The following ADRA1B variants were observed in gnomAD, a reference collection of about 807,000 sequenced individuals.
ADRA1B encodes the protein adrenoceptor alpha 1B, also known as alpha-1B adrenergic receptor.
In ADRA1B, 17 loss-of-function variants were observed where a neutral mutation model predicts 17.9. That is an observed-to-expected ratio of 0.95 (90% CI 0.65 to 1.42). The LOEUF (loss-of-function observed/expected upper bound fraction) is 1.42. Ranked by LOEUF, ADRA1B falls within the 40% of genes most tolerant of loss-of-function variation. The probability of loss-of-function intolerance (pLI) is 0.00; values close to 1 mark genes in which losing one functional copy is unlikely to be tolerated. For synonymous variants in ADRA1B, 366 were observed against 327.6 expected (o/e 1.12, Z -1.27); for missense variants, 681 against 722.1 (o/e 0.94, Z 0.65).
intron 1 of ADRA1B, among the ~76,000 whole-genome samples, chr5:159,877,577 G>T (rs940155189): frequency 2.0e-5 from 3 of 152,110 alleles, no homozygotes; most frequent in African/African-American, 7.2e-5. Flanking sequence ...AGCCACTAGG[G>T]CAGTGGTCAC....
At chr5:159,887,807 G>A (rs1294584042) in intron 1 of ADRA1B, among the ~76,000 whole-genome samples, 2 of 152,152 alleles carry the variant, frequency 1.3e-5, no homozygotes, top group East Asian at 1.9e-4. Flanking sequence ...ATATATAGAC[G>A]TCATCTAATG....
At chr5:159,939,322 T>TGTGTGTGTGTGTGCGCGC (rs1554090928) in intron 1 of ADRA1B, among the ~76,000 whole-genome samples, 1 of 107,602 alleles carries the variant, frequency 9.3e-6, no homozygotes, top group African/African-American at 3.5e-5. Context: ...TGTGTGTGTG[T>TGTGTGTGTGTGTGCGCGC]GCGCGCGCGC....
chr5:159,886,431 G>A (rs929315276), intron 1 of ADRA1B, among the ~76,000 whole-genome samples: 35 of 152,312 alleles, frequency 2.3e-4, no homozygotes, highest in African/African-American at 7.9e-4. Flanking sequence ...CACCAGCAAG[G>A]AAATTAAGCT....
At chr5:159,875,173 C>G (rs929534208) in intron 1 of ADRA1B, among the ~76,000 whole-genome samples, 2 of 152,110 alleles carry the variant, frequency 1.3e-5, no homozygotes, top group Admixed American at 1.3e-4. Context: ...GTGGAGAAAA[C>G]AACAGTGGCC....
intron 1 of ADRA1B, among the ~76,000 whole-genome samples, chr5:159,962,935 C>CTTTTTTTTTT (rs1206944978): frequency 2.4e-5 from 1 of 41,786 alleles, no homozygotes; most frequent in Non-Finnish European, 5.0e-5. Context: ...CTTTTCTTTT[C>CTTTTTTTTTT]TTTTTTTTTT....
rs149419911 is a variant in ADRA1B, at chr5:159,934,144, C to A, written c.949+16290C>A. ...GGGAAGGAGCCCTTTTGAGAGGGAGCCAATGGGCCCTGGTCAGTCAGAGGC... is the reference window on the plus strand; with the variant it reads ...GGGAAGGAGCCCTTTTGAGAGGGAGACAATGGGCCCTGGTCAGTCAGAGGC... On this transcript the variant is annotated intron_variant, in intron 1 of 1. Transcript: ENST00000306675. 7.2e-5 allele frequency among the ~76,000 whole-genome samples: 11 copies of A among 152,308 alleles called. No individual in the cohort carries two copies. In the East Asian group the frequency reaches 1.9e-3, roughly 27 times the overall value.
At chr5:159,901,322 C>T (rs114645603) in intron 1 of ADRA1B, among the ~76,000 whole-genome samples, 2,742 of 149,988 alleles carry the variant, frequency 0.018, 33 homozygotes, top group Middle Eastern at 0.054. Context: ...CTTTGCTCTT[C>T]CAGCACAGCC....
At chr5:159,971,855 T>TGGTGGGG in intron 1 of ADRA1B, 24 bp from the exon 2 acceptor site, 1 of 435,070 alleles carries the variant, frequency 2.3e-6, no homozygotes, top group Non-Finnish European at 3.6e-6. Flanking sequence ...TTTCTGCCCG[T>TGGTGGGG]GCCCACCCCC....
chr5:159,918,273 C>G (rs1179724193), intron 1 of ADRA1B, among the ~76,000 whole-genome samples: 1 of 152,204 alleles, frequency 6.6e-6, no homozygotes, highest in African/African-American at 2.4e-5. Context: ...ATTTGGGAAG[C>G]AGGGAGGCAG....
chr5:159,869,331 C>T (rs1753706368), intron 1 of ADRA1B: 1 of 152,192 alleles, frequency 6.6e-6, no homozygotes, highest in African/African-American at 2.4e-5. Flanking sequence ...ATAGCTGGAA[C>T]ATAGGCTGTC....
At chr5:159,987,579 A>T in the ADRA1B span, among the ~76,000 whole-genome samples, 2 of 152,222 alleles carry the variant, frequency 1.3e-5, no homozygotes. Context: ...AAGCGACAGG[A>T]GTGCAAAGAA....
At chr5:159,983,302 C>A in the ADRA1B span, among the ~76,000 whole-genome samples, 1 of 152,146 alleles carries the variant, frequency 6.6e-6, no homozygotes, top group African/African-American at 2.4e-5. Flanking sequence ...AAGAGAATAC[C>A]CTGGACAAGG....
intron 1 of ADRA1B, among the ~76,000 whole-genome samples, chr5:159,891,877 C>G (rs1477413963): frequency 6.6e-6 from 1 of 152,164 alleles, no homozygotes; most frequent in Non-Finnish European, 1.5e-5. Context: ...AGGAGTAACT[C>G]GCACCTGTCA....
intron 1 of ADRA1B, among the ~76,000 whole-genome samples, chr5:159,875,964 G>A (rs1308136059): frequency 8.5e-5 from 13 of 152,114 alleles, no homozygotes; most frequent in South Asian, 6.2e-4. Flanking sequence ...TGAGGTGGGC[G>A]GATCACTTGA....
intron 1 of ADRA1B, among the ~76,000 whole-genome samples, chr5:159,908,845 G>C (rs185289): frequency 1.3e-5 from 2 of 152,108 alleles, no homozygotes; most frequent in Non-Finnish European, 2.9e-5. Flanking sequence ...AGTGGGTAGC[G>C]CTCCAAAGGG....
chr5:159,915,837 G>A (rs758120420), upstream of ADRA1B, among the ~76,000 whole-genome samples: 1 of 152,214 alleles, frequency 6.6e-6, no homozygotes, highest in East Asian at 1.9e-4. Flanking sequence ...GTCTTCTGTC[G>A]GGAGAAGCTA....
chr5:159,916,857 G>A lies in ADRA1B; in HGVS notation c.-49G>A. On this transcript the variant is annotated 5_prime_UTR_variant, in exon 1 of 2. Transcript: ENST00000306675. ...GGGCAGCTGAGGAGCCTTCGCCGCA[G>A]CCCTTCCGAGCCCAATCATCCCCCT... The A allele has an allele frequency of 2.0e-5, 30 of 1,535,656 alleles. No individual in the cohort carries two copies. Among genetic ancestry groups the A allele is most frequent in the Non-Finnish European group, 2.6e-5 (30 of 1,133,536 alleles).
chr5:159,894,776 G>C (rs931121796), intron 1 of ADRA1B, among the ~76,000 whole-genome samples: 10 of 152,124 alleles, frequency 6.6e-5, no homozygotes, highest in African/African-American at 2.2e-4. Context: ...GCATTCTCTC[G>C]TGTCAGCTCT....
chr5:159,956,369 T>C (rs1289517560), intron 1 of ADRA1B, among the ~76,000 whole-genome samples: 1 of 151,026 alleles, frequency 6.6e-6, no homozygotes, highest in Non-Finnish European at 1.5e-5. Flanking sequence ...GATTTCCAAA[T>C]TTTATTTTTT....
Sources: gnomAD v4.1 joint callset for allele counts (sites outside exome capture counted in the v4.1 genomes callset) on GRCh38, gnomAD v4.1.1 for gene constraint, MANE v1.5 for transcripts, NCBI Gene and HGNC (gene_info 2026-07-23, HGNC 2026-07-21) for gene names.